The following UBR2 variants were observed in gnomAD, a reference collection of about 807,000 sequenced individuals.
The protein encoded by UBR2 is E3 ubiquitin-protein ligase UBR2.
Under a neutral mutation model 247.9 loss-of-function variants are expected in UBR2, and 92 were observed. The observed-to-expected ratio is 0.37, with a 90% CI of 0.31 to 0.44. The LOEUF (loss-of-function observed/expected upper bound fraction) is 0.44, where lower values mean the gene tolerates loss of function less well. UBR2 is among the 20% of genes least tolerant of loss of function. UBR2 has a pLI of 1.00. For synonymous variants in UBR2, 672 were observed against 693.5 expected, an observed-to-expected ratio of 0.97 and a Z score of 0.49; for missense variants, 1,613 against 2,112.6, an observed-to-expected ratio of 0.76 and a Z score of 4.64.
intron 14 of UBR2, 80 bp from the exon 15 acceptor site, chr6:42,636,931 C>A (rs1796135320): frequency 2.1e-6 from 3 of 1,450,992 alleles, no homozygotes; most frequent in Non-Finnish European, 2.8e-6. Context: ...GAGGTACTTA[C>A]TCACTGAATT....
At chr6:42,572,242 C>G (rs1791198980) in intron 1 of UBR2, among the ~76,000 whole-genome samples, 1 of 152,086 alleles carries the variant, frequency 6.6e-6, no homozygotes, top group South Asian at 2.1e-4. Flanking sequence ...AAGCTTCTAT[C>G]CAGTCCCTTA....
intron 16 of UBR2, among the ~76,000 whole-genome samples, chr6:42,640,713 C>CA (rs1449598154): frequency 5.9e-5 from 9 of 151,938 alleles, no homozygotes; most frequent in Non-Finnish European, 8.8e-5. Context: ...CTGCTTTACT[C>CA]AGAGTCTATG....
Position 42,612,201 on chromosome 6 carries a change from A to C in UBR2, c.895A>C (p.Lys299Gln). The C allele has an allele frequency of 6.4e-7, 1 of 1,552,496 alleles. No individual in the cohort carries two copies. Among genetic ancestry groups the C allele is most frequent in the Non-Finnish European group, 8.8e-7 (1 of 1,135,348 alleles). ...TACCAGTAGACAGACAAAGCCACTC[A>C]AAGTTCAAGTTATGCATTCGTCTAT... ...RNTSRQTKPL[K>Q]VQVMHSSIVA... Residue 299 changes from lysine (K) to glutamine (Q), a missense_variant, in exon 8 of 47, where the codon AAA (lysine) becomes CAA (glutamine). By Grantham distance (53) the Lys-to-Gln change is moderately conservative (BLOSUM62 1). Coordinates refer to ENST00000372901, the MANE Select transcript of UBR2 (RefSeq NM_001363705.2).
At chr6:42,596,129 G>A (rs77044193) in intron 4 of UBR2, among the ~76,000 whole-genome samples, 3,512 of 148,196 alleles carry the variant, frequency 0.024, 129 homozygotes, top group African/African-American at 0.083. Context: ...AAAGGATCTA[G>A]TATGCAGAGT....
intron 11 of UBR2, among the ~76,000 whole-genome samples, chr6:42,630,037 T>A (rs777638059): frequency 1.3e-5 from 2 of 151,930 alleles, no homozygotes; most frequent in Non-Finnish European, 2.9e-5. Context: ...GCTGGAACTA[T>A]AGACAGGAGC....
chr6:42,667,777 T>TG (rs1798205957), intron 34 of UBR2, among the ~76,000 whole-genome samples: 1 of 148,240 alleles, frequency 6.7e-6, no homozygotes, highest in Non-Finnish European at 1.5e-5. Context: ...TTTTTTTTTT[T>TG]GAGACAGAGT....
At chr6:42,652,203 A>G (rs961352479) in intron 24 of UBR2, 132 bp downstream of exon 24, 11 of 883,598 alleles carry the variant, frequency 1.2e-5, no homozygotes, top group African/African-American at 1.0e-4. Flanking sequence ...ATAACCTCCT[A>G]TTCAGAGGAA....
Position 42,637,111 on chromosome 6 carries a change from G to A in UBR2, c.1775G>A (p.Cys592Tyr). 6.2e-7 allele frequency: 1 copy of A among 1,614,124 alleles called. No homozygotes were observed. Among genetic ancestry groups the A allele is most frequent in the Non-Finnish European group, 8.5e-7 (1 of 1,180,012 alleles). The change falls in exon 15 of 47, where the codon TGT becomes TAT. Residue 592 changes from cysteine to tyrosine, a missense_variant. Transcript: ENST00000372901. Reference protein sequence around the residue: ...DGEQPITLSICGHSVETIRYC... With the variant: ...DGEQPITLSIYGHSVETIRYC... The stretch of plus-strand genomic sequence containing the variant: ...GAACAGCCAATCACACTAAGCATTT[G>A]TGGACATTCAGTGGAAACTATCAGA...
intron 34 of UBR2, among the ~76,000 whole-genome samples, chr6:42,668,693 C>T (rs1360283823): frequency 2.0e-5 from 3 of 152,050 alleles, no homozygotes; most frequent in South Asian, 4.2e-4. Context: ...CCACCCACCT[C>T]GGCCTCCCAA....
At chr6:42,617,863 G>A (rs1440455227) in intron 11 of UBR2, among the ~76,000 whole-genome samples, 1 of 152,110 alleles carries the variant, frequency 6.6e-6, no homozygotes, top group Non-Finnish European at 1.5e-5. Context: ...ATTGTACACC[G>A]TCTCACAATT....
Position 42,652,080 on chromosome 6 carries a change from A to C in UBR2, c.2614+9A>C, listed in dbSNP as rs374445541. On this transcript the variant is annotated intron_variant, in intron 24 of 46. Coordinates refer to ENST00000372901, the MANE Select transcript of UBR2 (RefSeq NM_001363705.2). ...AAATAGAGAAGATACAGGTATTTTT[A>C]ATCTTTCTGAAAATGTCTTGCCCAT... The C allele has an allele frequency of 3.2e-6, 5 of 1,577,082 alleles. No individual in the cohort carries two copies. Among genetic ancestry groups the C allele is most frequent in the South Asian group, 2.4e-5 (2 of 84,348 alleles).
intron 26 of UBR2, among the ~76,000 whole-genome samples, 195 bp from the exon 27 acceptor site, chr6:42,657,829 G>A (rs1312696033): frequency 6.6e-6 from 1 of 152,130 alleles, no homozygotes; most frequent in Admixed American, 6.5e-5. Context: ...AAGAATTCTA[G>A]TTGTTGGCAA....
Position 42,673,853 on chromosome 6 carries a change from A to T in UBR2, c.4149A>T (p.Ser1383=), listed in dbSNP as rs1285120872. ...AAAHWTVASV[S]VVQGHFCKLF... is the part of the protein sequence containing the mutation. ...CACACTGGACAGTGGCATCAGTTTC[A>T]GTGGTGCAAGGACATTTTTGTAAAC... Residue 1383 remains serine, a synonymous_variant, in exon 37 of 47, where the codon TCA becomes TCT. Coordinates refer to ENST00000372901, the MANE Select transcript of UBR2 (RefSeq NM_001363705.2). The T allele has an allele frequency of 6.2e-7, 1 of 1,613,940 alleles. No homozygotes were observed. Among genetic ancestry groups the T allele is most frequent in the Admixed American group, 1.7e-5 (1 of 59,984 alleles).
At chr6:42,593,735 T>G (rs987736681) in intron 3 of UBR2, among the ~76,000 whole-genome samples, 1 of 152,202 alleles carries the variant, frequency 6.6e-6, no homozygotes, top group East Asian at 1.9e-4. Context: ...GAAGAAAAAT[T>G]AACTATTTCT....
chr6:42,637,082 T>C lies in UBR2; in HGVS notation c.1746T>C (p.Asp582=). Residue 582 remains aspartate (D), a synonymous_variant, in exon 15 of 47, where the codon GAT becomes GAC. Coordinates refer to ENST00000372901, the MANE Select transcript of UBR2 (RefSeq NM_001363705.2). ...TGCAGTGTCATGGTGGTTATACTGA[T>C]GGTGAACAGCCAATCACACTAAGCA... ...VLMQCHGGYT[D]GEQPITLSIC... 1 of 1,614,164 alleles carries C rather than the reference T, an allele frequency of 6.2e-7. No homozygotes were observed. The highest frequency in any genetic ancestry group is 8.5e-7 in the Non-Finnish European group (1 of 1,180,024).
At chr6:42,582,019 C>T (rs1245431070) in intron 2 of UBR2, among the ~76,000 whole-genome samples, 1 of 152,110 alleles carries the variant, frequency 6.6e-6, no homozygotes. Context: ...TGCGGTGGCT[C>T]ACACCTGTAA....
chr6:42,574,409 C>A (rs1029961103), intron 2 of UBR2, among the ~76,000 whole-genome samples: 3 of 152,198 alleles, frequency 2.0e-5, no homozygotes, highest in African/African-American at 7.2e-5. Flanking sequence ...TCCTTTCTGG[C>A]ACAAGATGCC....
At chr6:42,588,979 G>A (rs1462326335) in intron 2 of UBR2, among the ~76,000 whole-genome samples, 1 of 152,116 alleles carries the variant, frequency 6.6e-6, no homozygotes, top group African/African-American at 2.4e-5. Context: ...AATGGGCATT[G>A]TATTTTGTCA....
intron 8 of UBR2, among the ~76,000 whole-genome samples, chr6:42,612,802 G>A (rs545212023): frequency 4.6e-5 from 7 of 152,192 alleles, no homozygotes; most frequent in South Asian, 4.1e-4. Context: ...ACCAATTTGC[G>A]TTTTTAAAAA....
Sources: allele counts gnomAD v4.1 joint callset (sites outside exome capture counted in the v4.1 genomes callset), GRCh38; gene constraint gnomAD v4.1.1; transcripts MANE v1.5; gene names NCBI Gene and HGNC (gene_info 2026-07-23, HGNC 2026-07-21).